The following HEXD variants were observed in gnomAD, a reference collection of about 807,000 sequenced individuals.
The protein encoded by HEXD is hexosaminidase D, also known as N-acetyl-beta-galactosaminidase.
A neutral mutation model predicts 54.2 loss-of-function variants in HEXD; 47 were observed. The ratio of observed to expected loss-of-function variants is 0.87; its 90% CI spans 0.69 to 1.11. The LOEUF (loss-of-function observed/expected upper bound fraction) is 1.11, where lower values mean the gene tolerates loss of function less well. Among genes scored for constraint, HEXD ranks in the 50% least tolerant of loss-of-function variants. The pLI is 0.00. For missense variants in HEXD, 576 were observed against 649.2 expected, an observed-to-expected ratio of 0.89 and a Z score of 1.23; for synonymous variants, 293 against 287.6, an observed-to-expected ratio of 1.02 and a Z score of -0.19.
rs557773733 is a variant in HEXD at position 82,441,909 on chromosome 17, T to G, written c.1253+20T>G. On this transcript the variant is annotated intron_variant, in intron 12 of 12. Transcript: ENST00000327949. Reference sequence around the variant, plus strand: ...GCTCAGGTGAGGCCCTGGGCTCTTATAGGCCGTGCAGCCATGGGTTCCCTG... The same window carrying G: ...GCTCAGGTGAGGCCCTGGGCTCTTAGAGGCCGTGCAGCCATGGGTTCCCTG... The G allele has an allele frequency of 6.2e-7, 1 of 1,608,940 alleles. No individual in the cohort carries two copies. The highest frequency in any genetic ancestry group is 1.7e-5 in the Admixed American group (1 of 60,000).
intron 8 of HEXD, chr17:82,439,339 G>A (rs1270340975): frequency 3.0e-5 from 22 of 743,600 alleles, no homozygotes; most frequent in Non-Finnish European, 3.4e-5. Flanking sequence ...GACAACGACC[G>A]GCCACCCACC....
At chr17:82,429,801 A>C (rs2053525926) in intron 4 of HEXD, among the ~76,000 whole-genome samples, 1 of 149,044 alleles carries the variant, frequency 6.7e-6, no homozygotes, top group Admixed American at 6.7e-5. Flanking sequence ...CCCACCTCCC[A>C]CTCTCTCTCT....
chr17:82,435,094 G>A (rs1434019842), intron 5 of HEXD, among the ~76,000 whole-genome samples: 1 of 151,900 alleles, frequency 6.6e-6, no homozygotes, highest in African/African-American at 2.4e-5. Flanking sequence ...GCAGTGAGCC[G>A]AGATTGAGAT....
At chr17:82,437,517 T>C (rs571381993) in intron 8 of HEXD, among the ~76,000 whole-genome samples, 154 bp downstream of exon 8, 21 of 152,204 alleles carry the variant, frequency 1.4e-4, no homozygotes, top group Non-Finnish European at 2.9e-5. Flanking sequence ...CCACGTGGGG[T>C]TGGGCCCTGC....
chr17:82,429,529 G>A (rs1236014124), intron 4 of HEXD, among the ~76,000 whole-genome samples: 1 of 152,068 alleles, frequency 6.6e-6, no homozygotes, highest in African/African-American at 2.4e-5. Flanking sequence ...TCTGCTCTGG[G>A]ACCCGGCCTG....
At chr17:82,433,275 C>T (rs1305849969) in intron 4 of HEXD, among the ~76,000 whole-genome samples, 1 of 150,072 alleles carries the variant, frequency 6.7e-6, no homozygotes, top group Non-Finnish European at 1.5e-5. Context: ...AACGCCATCT[C>T]TACTAAAAAT....
At chr17:82,433,939 G>A in intron 5 of HEXD, 117 bp downstream of exon 5, 4 of 952,604 alleles carry the variant, frequency 4.2e-6, no homozygotes, top group Non-Finnish European at 6.0e-6. Context: ...GTTCCCCTCA[G>A]GGCACCCCAT....
At chr17:82,440,595 G>A (rs763651636) in intron 9 of HEXD, 9 of 321,008 alleles carry the variant, frequency 2.8e-5, no homozygotes, top group Admixed American at 1.5e-4. Context: ...GTCCACGCTG[G>A]TGCCTGCAGG....
At chr17:82,428,472 G>A (rs2053484378) in intron 3 of HEXD, 86 bp from the exon 4 acceptor site, 1 of 1,115,946 alleles carries the variant, frequency 9.0e-7, no homozygotes, top group Non-Finnish European at 1.4e-6. Context: ...AGCCCCCCAG[G>A]GCCTGATGAG....
chr17:82,418,406 C>T lies in HEXD; in HGVS notation c.-386C>T, dbSNP rs560867673. 2.2e-5 allele frequency: 33 copies of T among 1,477,998 alleles called. No homozygotes were observed. The African/African-American group carries it at 4.4e-4, about 20-fold the overall frequency. 91.6% of individuals were successfully genotyped at this position (1,477,998 alleles called of 1,614,324 possible). On this transcript the variant is annotated 5_prime_UTR_variant, in exon 1 of 13. Coordinates refer to ENST00000327949, the MANE Select transcript of HEXD (RefSeq NM_001330542.2). ...CAGCGCGCGCCCTTCCCCTCCTCACCGCTACCTGCTCCGGTTCCGGCGCTC... is the reference window on the plus strand; with the variant it reads ...CAGCGCGCGCCCTTCCCCTCCTCACTGCTACCTGCTCCGGTTCCGGCGCTC...
At chr17:82,427,135 CA>C (rs1177720479) in intron 3 of HEXD, 1,836 of 96,126 alleles carry the variant, frequency 0.019, 15 homozygotes, top group African/African-American at 0.027. Flanking sequence ...GACTCCGTCT[CA>C]AAAAAAAAAA....
intron 2 of HEXD, among the ~76,000 whole-genome samples, chr17:82,421,462 G>A (rs896995932): frequency 1.3e-5 from 2 of 152,196 alleles, no homozygotes; most frequent in African/African-American, 4.8e-5. Flanking sequence ...CTAATACCGC[G>A]TGGCAGCAGT....
intron 8 of HEXD, among the ~76,000 whole-genome samples, chr17:82,438,870 G>A (rs991484622): frequency 6.6e-6 from 1 of 152,260 alleles, no homozygotes; most frequent in African/African-American, 2.4e-5. Context: ...AGCTCTGTCT[G>A]CATAAACCAG....
At chr17:82,433,128 A>ATATATATATATAT (rs71168109) in intron 4 of HEXD, among the ~76,000 whole-genome samples, 3 of 13,072 alleles carry the variant, frequency 2.3e-4, no homozygotes, top group Non-Finnish European at 3.6e-4. Context: ...ATATATATAT[A>ATATATATATATAT]TTTTTTTTTT....
In HEXD at chr17:82,429,336, G is replaced by A. The variant is rs147374824; in HGVS notation, c.282+691G>A. Among the ~76,000 whole-genome samples, 5 of 152,022 alleles carry A rather than the reference G, an allele frequency of 3.3e-5. No individual in the cohort carries two copies. The East Asian group carries it at 9.6e-4, about 29-fold the overall frequency. ...GTGATGCGGCATTAACCACCACACC[G>A]ATTTAATGGCTCTTAGGTTCCATTT... On this transcript the variant is annotated intron_variant, in intron 4 of 12. Coordinates refer to ENST00000327949, the MANE Select transcript of HEXD (RefSeq NM_001330542.2).
At position 82,437,224 on chromosome 17, in the gene HEXD, G is replaced by A; in HGVS notation, c.760G>A (p.Ala254Thr). Residue 254 changes from alanine to threonine, a missense_variant, in exon 8 of 13, where the codon GCC becomes ACC. By Grantham distance (58) the Ala-to-Thr change is moderately conservative (BLOSUM62 0). Coordinates refer to ENST00000327949, the MANE Select transcript of HEXD (RefSeq NM_001330542.2). The stretch of plus-strand genomic sequence containing the variant: ...CTTTCCGCAGCTGTGGGCAGCCAGT[G>A]CCTTCAAGGGTGCCACGGGGCCCAG... ...CGFPQLWAAS[A>T]FKGATGPSQA... is the part of the protein sequence containing the mutation. 1.9e-6 allele frequency: 3 copies of A among 1,608,050 alleles called. No individual in the cohort carries two copies. Among genetic ancestry groups the A allele is most frequent in the Non-Finnish European group, 2.5e-6 (3 of 1,176,510 alleles).
chr17:82,424,377 C>T lies in HEXD; in HGVS notation c.85-17C>T. On this transcript the variant is annotated splice_polypyrimidine_tract_variant and intron_variant, in intron 2 of 12. Coordinates refer to ENST00000327949, the MANE Select transcript of HEXD (RefSeq NM_001330542.2). ...CAGCAGCCACTTCTTCCTAACCCCT[C>T]CCTGTTTACCCCCCAGATTTTTCCT... The T allele has an allele frequency of 6.3e-7, 1 of 1,579,662 alleles. No homozygotes were observed. The highest frequency in any genetic ancestry group is 1.7e-4 in the Middle Eastern group (1 of 5,992).
At chr17:82,430,420 ACTCT>A (rs1183212594) in intron 4 of HEXD, among the ~76,000 whole-genome samples, 1 of 152,016 alleles carries the variant, frequency 6.6e-6, no homozygotes, top group African/African-American at 2.4e-5. Context: ...ACAGGGTCTC[ACTCT>A]GTTTCCCAGG....
intron 9 of HEXD, chr17:82,440,277 GAGACGCGCGGAGAGCGGGACCCGC>G (rs1567897048): frequency 7.8e-7 from 1 of 1,283,322 alleles, no homozygotes; most frequent in Non-Finnish European, 1.0e-6. Flanking sequence ...AAAAATGGCC[GAGACGCGCGGAGAGCGGGACCCGC>G]AGGCGCGGCG....
Sources: allele counts gnomAD v4.1 joint callset (sites outside exome capture counted in the v4.1 genomes callset), GRCh38; gene constraint gnomAD v4.1.1; transcripts MANE v1.5; gene names NCBI Gene and HGNC (gene_info 2026-07-23, HGNC 2026-07-21).